The following PFKFB3 variants were observed in gnomAD, a reference collection of about 807,000 sequenced individuals.
PFKFB3 encodes 6-phosphofructo-2-kinase/fructose-2,6-bisphosphatase 3.
In PFKFB3, 33 loss-of-function variants were observed where a neutral mutation model predicts 68.0. The observed-to-expected ratio is 0.49, with a 90% CI of 0.37 to 0.65. The LOEUF is 0.65. Ranked by LOEUF, PFKFB3 falls within the 30% of genes least tolerant of loss-of-function variation. PFKFB3 has a pLI of 0.00. For missense variants in PFKFB3, 586 were observed against 712.2 expected, an observed-to-expected ratio of 0.82 and a Z score of 2.02; for synonymous variants, 315 against 288.2, an observed-to-expected ratio of 1.09 and a Z score of -0.94.
At chr10:6,230,916 A>G (rs921412895) in intron 14 of PFKFB3, among the ~76,000 whole-genome samples, 15 of 152,128 alleles carry the variant, frequency 9.9e-5, no homozygotes, top group Non-Finnish European at 2.9e-5. Context: ...GGGTTTCACC[A>G]TGTTGGCCAG....
chr10:6,284,962 G>A, the PFKFB3 span, among the ~76,000 whole-genome samples: 9 of 152,138 alleles, frequency 5.9e-5, no homozygotes, highest in Non-Finnish European at 1.0e-4. Flanking sequence ...CATGTATACC[G>A]TGTATTGTTC....
At chr10:6,146,493 C>T in intron 1 of PFKFB3, 1 of 1,535,252 alleles carries the variant, frequency 6.5e-7, no homozygotes, top group African/African-American at 1.4e-5. Context: ...CTCCATTAAT[C>T]CAGGTATGAT....
the PFKFB3 span, among the ~76,000 whole-genome samples, chr10:6,314,884 T>G: frequency 6.6e-6 from 1 of 152,096 alleles, no homozygotes; most frequent in Admixed American, 6.6e-5. Context: ...ACGTCTCTTC[T>G]CTCCACTCTG....
chr10:6,238,477 C>CAAAAAA (rs71390201), downstream of PFKFB3, among the ~76,000 whole-genome samples: 32 of 89,534 alleles, frequency 3.6e-4, no homozygotes, highest in East Asian at 6.2e-4. Context: ...GGTGCCATCT[C>CAAAAAA]AAAAAAAAAA....
At chr10:6,213,497 A>G (rs1430102232) in intron 1 of PFKFB3, 126 bp from the exon 2 acceptor site, 1 of 1,123,968 alleles carries the variant, frequency 8.9e-7, no homozygotes, top group Admixed American at 2.2e-5. Flanking sequence ...CGCCTGGGCA[A>G]CAGAGTGAGA....
intron 14 of PFKFB3, among the ~76,000 whole-genome samples, chr10:6,250,693 C>T (rs1846362173): frequency 6.6e-6 from 1 of 152,170 alleles, no homozygotes; most frequent in South Asian, 2.1e-4. Context: ...CCCTCTTCCC[C>T]TTTCCCACCT....
At position 6,203,031 on chromosome 10, in the gene PFKFB3, C is replaced by A. The variant is rs1010280913; in HGVS notation, c.-230C>A. The A allele has an allele frequency of 4.2e-5, 58 of 1,374,144 alleles. No individual in the cohort carries two copies. The African/African-American group carries it at 8.0e-4, about 19-fold the overall frequency. The allele number at this position is 1,374,144 out of a possible 1,614,324, so 85.1% of individuals were successfully genotyped here. A position where few individuals can be genotyped will look rare whatever the true frequency, so the allele number is the denominator to read the frequency against. On this transcript the variant is annotated 5_prime_UTR_variant, in exon 1 of 15. Transcript: ENST00000379775. The stretch of plus-strand genomic sequence containing the variant: ...GAGCTTTCCGAGCGGACGAGCCGGC[C>A]GTGCCGGGCATCCCCAGCCTCGCTA...
intron 1 of PFKFB3, among the ~76,000 whole-genome samples, chr10:6,188,828 ATTTTTTTTTTTT>A (rs35338599): frequency 8.8e-6 from 1 of 113,078 alleles, no homozygotes; most frequent in African/African-American, 3.3e-5. Context: ...CTTCCTTTTA[ATTTTTTTTTTTT>A]TTTTTTTTTT....
chr10:6,183,676 G>A (rs1842786073), intron 1 of PFKFB3, among the ~76,000 whole-genome samples: 1 of 148,086 alleles, frequency 6.8e-6, no homozygotes, highest in Non-Finnish European at 1.5e-5. Context: ...AGTTTTGAAA[G>A]CAGGAATTTT....
downstream of PFKFB3, among the ~76,000 whole-genome samples, chr10:6,254,875 T>C (rs1204369125): frequency 7.6e-6 from 1 of 131,040 alleles, no homozygotes; most frequent in Non-Finnish European, 1.6e-5. Flanking sequence ...TGGAGTGCAG[T>C]GTCACGATCT....
At chr10:6,231,517 G>A (rs1845741429) in intron 14 of PFKFB3, 2 of 985,246 alleles carry the variant, frequency 2.0e-6, no homozygotes, top group Non-Finnish European at 1.2e-6. Context: ...GAAGGACGTG[G>A]ACATCACCCG....
At chr10:6,243,726 C>A (rs1235634789) in intron 14 of PFKFB3, among the ~76,000 whole-genome samples, 1 of 152,132 alleles carries the variant, frequency 6.6e-6, no homozygotes, top group Non-Finnish European at 1.5e-5. Flanking sequence ...TATTTCTTTC[C>A]TTTTCTTTTT....
At chr10:6,304,842 GA>G in the PFKFB3 span, among the ~76,000 whole-genome samples, 1 of 140,700 alleles carries the variant, frequency 7.1e-6, no homozygotes, top group African/African-American at 2.6e-5. Flanking sequence ...AAAATATTAG[GA>G]ACTTTTTTTT....
rs866308519 is a variant in PFKFB3 at position 6,161,647 on chromosome 10, G to T, written c.16+16634G>T. On this transcript the variant is annotated intron_variant, in intron 1 of 14. Coordinates refer to the PFKFB3 transcript ENST00000379789. ...ACACATATATATATATAGAGAGAGAGAGAGAGAGAGAATCTCACTTTGTCA... is the reference window on the plus strand; with the variant it reads ...ACACATATATATATATAGAGAGAGATAGAGAGAGAGAATCTCACTTTGTCA... Among the ~76,000 whole-genome samples the T allele has an allele frequency of 7.9e-3, 1,197 of 151,400 alleles. 6 individuals carry two copies. Among genetic ancestry groups the T allele is most frequent in the Middle Eastern group, 0.01 (3 of 294 alleles).
chr10:6,315,777 C>T, the PFKFB3 span, among the ~76,000 whole-genome samples: 4 of 152,210 alleles, frequency 2.6e-5, no homozygotes, highest in East Asian at 1.9e-4. Flanking sequence ...TGAACCACCA[C>T]GCCTGTCCCT....
intron 14 of PFKFB3, among the ~76,000 whole-genome samples, chr10:6,245,377 G>A (rs961078282): frequency 6.6e-6 from 1 of 150,636 alleles, no homozygotes; most frequent in Non-Finnish European, 1.5e-5. Context: ...TTACTGGCAT[G>A]AGCTACTGCA....
At chr10:6,270,631 G>A in the PFKFB3 span, among the ~76,000 whole-genome samples, 8 of 152,108 alleles carry the variant, frequency 5.3e-5, no homozygotes, top group Admixed American at 1.3e-4. Flanking sequence ...GTAAGGGTCC[G>A]GTTCCCTCTT....
intron 1 of PFKFB3, among the ~76,000 whole-genome samples, chr10:6,174,840 C>T (rs1295176052): frequency 1.3e-5 from 2 of 148,254 alleles, no homozygotes; most frequent in African/African-American, 5.0e-5. Context: ...TTTTTTAATA[C>T]GGAGTCTCAC....
the PFKFB3 span, among the ~76,000 whole-genome samples, chr10:6,260,558 T>G: frequency 6.6e-6 from 1 of 152,216 alleles, no homozygotes; most frequent in South Asian, 2.1e-4. Context: ...CTGCTTCTTT[T>G]TATAGTTTTA....
Sources: allele counts gnomAD v4.1 joint callset (sites outside exome capture counted in the v4.1 genomes callset), GRCh38; gene constraint gnomAD v4.1.1; transcripts MANE v1.5; gene names NCBI Gene and HGNC (gene_info 2026-07-23, HGNC 2026-07-21).